SCARA5: variants seen among roughly 807,000 people sequenced by gnomAD.
The protein encoded by SCARA5 is scavenger receptor class A member 5.
Under a neutral mutation model 46.3 loss-of-function variants are expected in SCARA5, and 45 were observed. The ratio of observed to expected loss-of-function variants is 0.97; its 90% confidence interval spans 0.76 to 1.24. The LOEUF (loss-of-function observed/expected upper bound fraction) is 1.24. Ranked by LOEUF, SCARA5 falls within the 50% of genes most tolerant of loss-of-function variation. The pLI is 0.00. For synonymous variants in SCARA5, 333 were observed against 306.5 expected, an observed-to-expected ratio of 1.09 and a Z score of -0.90; for missense variants, 680 against 689.0, an observed-to-expected ratio of 0.99 and a Z score of 0.15.
At chr8:27,948,477 G>A (rs879623802) in intron 3 of SCARA5, among the ~76,000 whole-genome samples, 8 of 152,242 alleles carry the variant, frequency 5.3e-5, no homozygotes, top group Admixed American at 4.6e-4. Context: ...ATACAAAGGC[G>A]GCAGGGCCTG....
At chr8:27,896,124 C>T (rs1807060160) in intron 7 of SCARA5, among the ~76,000 whole-genome samples, 3 of 152,166 alleles carry the variant, frequency 2.0e-5, no homozygotes, top group Admixed American at 6.5e-5. Flanking sequence ...AGGTCAGAGT[C>T]AACAAGCATT....
At chr8:27,924,821 CA>C (rs1357743942) in intron 3 of SCARA5, among the ~76,000 whole-genome samples, 1 of 152,212 alleles carries the variant, frequency 6.6e-6, no homozygotes, top group Non-Finnish European at 1.5e-5. Flanking sequence ...GCAAAAATCA[CA>C]AGCATTCCTA....
intron 7 of SCARA5, among the ~76,000 whole-genome samples, chr8:27,885,157 G>A (rs921806285): frequency 6.6e-5 from 10 of 152,122 alleles, no homozygotes; most frequent in African/African-American, 2.2e-4. Flanking sequence ...GGCAGGTACT[G>A]TCTTGGACAA....
chr8:27,888,299 G>T (rs1806930051), intron 7 of SCARA5, among the ~76,000 whole-genome samples: 1 of 152,190 alleles, frequency 6.6e-6, no homozygotes, highest in South Asian at 2.1e-4. Flanking sequence ...TAGCTCTGAG[G>T]ACCTGGAAGA....
At chr8:27,918,468 G>C (rs962787688) in intron 4 of SCARA5, among the ~76,000 whole-genome samples, 3 of 151,608 alleles carry the variant, frequency 2.0e-5, no homozygotes, top group South Asian at 4.2e-4. Flanking sequence ...GGTTGGGGGG[G>C]GTTCAGTAGG....
At chr8:27,990,954 G>A (rs780858838) in intron 1 of SCARA5, among the ~76,000 whole-genome samples, 1 of 152,226 alleles carries the variant, frequency 6.6e-6, no homozygotes, top group African/African-American at 2.4e-5. Flanking sequence ...ACTTAGAAGG[G>A]CAGGTTCAGA....
intron 3 of SCARA5, among the ~76,000 whole-genome samples, chr8:27,964,159 T>G (rs573877571): frequency 3.2e-4 from 48 of 152,312 alleles, no homozygotes; most frequent in Admixed American, 6.5e-4. Flanking sequence ...CAGAGCCTCC[T>G]TAAAGAACCT....
At chr8:27,988,282 CAT>C (rs1808735080) in intron 1 of SCARA5, among the ~76,000 whole-genome samples, 3 of 152,166 alleles carry the variant, frequency 2.0e-5, no homozygotes, top group Non-Finnish European at 4.4e-5. Context: ...AGGCACTAAG[CAT>C]CTGGACAGCT....
chr8:27,942,323 G>T (rs1211999856), intron 3 of SCARA5, among the ~76,000 whole-genome samples: 2 of 152,144 alleles, frequency 1.3e-5, no homozygotes, highest in Non-Finnish European at 2.9e-5. Context: ...TCTTCACGAT[G>T]GTGGCCCCCA....
intron 8 of SCARA5, among the ~76,000 whole-genome samples, chr8:27,873,916 G>T (rs1806683075): frequency 6.6e-6 from 1 of 152,190 alleles, no homozygotes; most frequent in African/African-American, 2.4e-5. Flanking sequence ...TGGGCGTGGT[G>T]GTGCACGCCT....
chr8:27,979,237 A>T (rs1440308414), intron 2 of SCARA5, among the ~76,000 whole-genome samples: 4 of 152,070 alleles, frequency 2.6e-5, no homozygotes, highest in Non-Finnish European at 5.9e-5. Flanking sequence ...TAGGTTTCCT[A>T]TTTGACAGAA....
chr8:27,922,209 G>T lies in SCARA5; in HGVS notation c.278C>A (p.Ala93Asp). The T allele has an allele frequency of 6.3e-7, 1 of 1,589,034 alleles. No individual in the cohort carries two copies. The highest frequency in any genetic ancestry group is 8.6e-7 in the Non-Finnish European group (1 of 1,166,500). Reference sequence around the variant, plus strand: ...CAGCCGGTTCACATTGCGAGTCAGGGCCTTCAGGTCGTCAGGGGAGCTGCG... The same window carrying T: ...CAGCCGGTTCACATTGCGAGTCAGGTCCTTCAGGTCGTCAGGGGAGCTGCG... ...RPRSSPDDLK[A>D]LTRNVNRLNE... The change falls in exon 4 of 9, where the codon GCC becomes GAC. Residue 93 changes from alanine to aspartate, a missense_variant. Ala to Asp is a moderately radical substitution (Grantham distance 126). This residue lies in a region of SCARA5 where 438 missense variants were observed against 384.5 expected (regional missense o/e 1.14). Transcript: ENST00000354914.
chr8:27,965,258 G>T (rs567032796), intron 3 of SCARA5, among the ~76,000 whole-genome samples: 49 of 152,306 alleles, frequency 3.2e-4, no homozygotes, highest in African/African-American at 1.0e-3. Context: ...GACCGGGGAG[G>T]TCCTGGCCAT....
At chr8:27,969,951 T>C (rs1352159266) in intron 2 of SCARA5, among the ~76,000 whole-genome samples, 1 of 152,184 alleles carries the variant, frequency 6.6e-6, no homozygotes, top group African/African-American at 2.4e-5. Context: ...GCCTTCAAAA[T>C]AGCCCCCACG....
chr8:27,985,003 CCCATTCAT>C (rs1808684928), intron 2 of SCARA5, among the ~76,000 whole-genome samples: 1 of 152,154 alleles, frequency 6.6e-6, no homozygotes, highest in Non-Finnish European at 1.5e-5. Flanking sequence ...CATCCATCCA[CCCATTCAT>C]CCATTCATTC....
intron 7 of SCARA5, among the ~76,000 whole-genome samples, chr8:27,885,195 G>C (rs1407046279): frequency 6.6e-6 from 1 of 152,200 alleles, no homozygotes; most frequent in African/African-American, 2.4e-5. Context: ...TGGGGAGTGA[G>C]AGCAGGTGCC....
At chr8:27,904,362 T>C (rs761897900) in intron 7 of SCARA5, 8 of 294,004 alleles carry the variant, frequency 2.7e-5, no homozygotes, top group Non-Finnish European at 4.4e-5. Flanking sequence ...CACAAACAGG[T>C]ACTGAGTCCT....
intron 4 of SCARA5, among the ~76,000 whole-genome samples, chr8:27,914,826 T>C (rs1237696199): frequency 6.6e-6 from 1 of 152,160 alleles, no homozygotes; most frequent in African/African-American, 2.4e-5. Context: ...ACCAGAAGCA[T>C]CTTCCCAGTG....
intron 1 of SCARA5, among the ~76,000 whole-genome samples, chr8:27,989,129 C>T (rs57202090): frequency 1.2e-4 from 8 of 68,304 alleles, no homozygotes; most frequent in Admixed American, 2.2e-4. Flanking sequence ...TTCTTTCTTT[C>T]TTTTTTTTTT....
Sources: allele counts gnomAD v4.1 joint callset (sites outside exome capture counted in the v4.1 genomes callset), GRCh38; gene constraint gnomAD v4.1.1; regional missense constraint gnomAD v4.1.1; transcripts MANE v1.5; gene names NCBI Gene and HGNC (gene_info 2026-07-23, HGNC 2026-07-21).